The following CIT variants were observed in gnomAD, a reference collection of about 807,000 sequenced individuals.
The protein encoded by CIT is citron rho-interacting serine/threonine kinase.
Under a neutral mutation model 272.7 loss-of-function variants are expected in CIT, and 79 were observed. The ratio of observed to expected loss-of-function variants is 0.29; its 90% CI spans 0.24 to 0.35. The LOEUF (loss-of-function observed/expected upper bound fraction) is 0.35, where lower values mean the gene tolerates loss of function less well. Among genes scored for constraint, CIT ranks in the 10% least tolerant of loss-of-function variants. CIT has a pLI of 1.00. For missense variants in CIT, 1,909 were observed against 2,618.3 expected (o/e 0.73, Z 5.91); for synonymous variants, 948 against 995.6 (o/e 0.95, Z 0.90).
chr12:119,824,397 C>G (rs566258234), intron 8 of CIT, among the ~76,000 whole-genome samples: 1 of 152,236 alleles, frequency 6.6e-6, no homozygotes, highest in African/African-American at 2.4e-5. Context: ...TAAACTATAT[C>G]TCCTCAATTC....
In CIT at chr12:119,825,228, A is replaced by T; in HGVS notation, c.894T>A (p.Tyr298Ter). Reference protein sequence around the residue: ...SVGVIAYEMIYGRSPFAEGTS... With the variant: ...SVGVIAYEMI ...TTCCCTCTGCGAAGGGGGATCTCCC[A>T]TAAATCATCTCATAGGCAATCACGC... The change falls in exon 8 of 48, where the codon TAT becomes TAA. Residue 298 changes from tyrosine (Y) to a stop codon, truncating the protein, a stop_gained. Coordinates refer to ENST00000392521, the MANE Select transcript of CIT (RefSeq NM_001206999.2). LOFTEE classifies it high-confidence loss of function. 1 of 1,614,198 alleles carries T rather than the reference A, an allele frequency of 6.2e-7. No homozygotes were observed. Among genetic ancestry groups the T allele is most frequent in the Non-Finnish European group, 8.5e-7 (1 of 1,180,038 alleles).
At chr12:119,719,182 G>A (rs1414584965) in intron 30 of CIT, among the ~76,000 whole-genome samples, 1 of 152,162 alleles carries the variant, frequency 6.6e-6, no homozygotes, top group Non-Finnish European at 1.5e-5. Flanking sequence ...GGAATCAGGA[G>A]AGTATGGAGT....
intron 9 of CIT, among the ~76,000 whole-genome samples, chr12:119,812,797 G>C (rs1966863421): frequency 1.3e-5 from 2 of 148,824 alleles, no homozygotes; most frequent in Admixed American, 6.8e-5. Flanking sequence ...CCAGGTTGGA[G>C]ACATCGCACC....
At chr12:119,815,340 A>G (rs377308049) in intron 9 of CIT, among the ~76,000 whole-genome samples, 1 of 152,194 alleles carries the variant, frequency 6.6e-6, no homozygotes, top group East Asian at 1.9e-4. Flanking sequence ...TGGTAGGGCC[A>G]TGCTTAAATG....
At chr12:119,852,468 C>T (rs1970286337) in intron 4 of CIT, among the ~76,000 whole-genome samples, 1 of 152,158 alleles carries the variant, frequency 6.6e-6, no homozygotes, top group Admixed American at 6.6e-5. Flanking sequence ...AATCCCAGCA[C>T]TTTGGGAGGC....
intron 10 of CIT, among the ~76,000 whole-genome samples, chr12:119,802,813 C>T (rs1382453286): frequency 6.6e-6 from 1 of 152,192 alleles, no homozygotes; most frequent in African/African-American, 2.4e-5. Context: ...CCCATCCACC[C>T]ACTTGAGAGA....
At chr12:119,817,245 C>T (rs1272438396) in intron 9 of CIT, among the ~76,000 whole-genome samples, 1 of 152,060 alleles carries the variant, frequency 6.6e-6, no homozygotes, top group Non-Finnish European at 1.5e-5. Context: ...GGCACAGTGG[C>T]TCATGCCTGT....
At chr12:119,731,816 AT>A (rs1958465044) in intron 26 of CIT, among the ~76,000 whole-genome samples, 2 of 2,588 alleles carry the variant, frequency 7.7e-4, no homozygotes, top group South Asian at 0.11. Flanking sequence ...TCTCCTAAAT[AT>A]ATATATATAT....
At chr12:119,758,440 G>A (rs992402136) in intron 21 of CIT, 151 bp downstream of exon 21, 1 of 627,030 alleles carries the variant, frequency 1.6e-6, no homozygotes, top group Admixed American at 2.5e-5. Flanking sequence ...ACTTAAGACA[G>A]GGCAAGATGA....
chr12:119,787,762 A>T (rs12301113), intron 10 of CIT, among the ~76,000 whole-genome samples: 26 of 47,062 alleles, frequency 5.5e-4, no homozygotes, highest in Admixed American at 2.0e-3. Context: ...AAATAAATTT[A>T]AAAAAAAAAG....
At chr12:119,795,692 A>G (rs1337495057) in intron 10 of CIT, among the ~76,000 whole-genome samples, 1 of 152,188 alleles carries the variant, frequency 6.6e-6, no homozygotes, top group Non-Finnish European at 1.5e-5. Context: ...TCTAGAGGCA[A>G]CCAGATATTG....
chr12:119,832,879 G>A lies in CIT; in HGVS notation c.660-15C>T. On this transcript the variant is annotated splice_polypyrimidine_tract_variant and intron_variant, in intron 6 of 47. Coordinates refer to ENST00000392521, the MANE Select transcript of CIT (RefSeq NM_001206999.2). ...GCTTGATGTCTCTGTAAGAAAATCA[G>A]GACCATGAATTGCCTCCTCCATCCC... The A allele has an allele frequency of 6.2e-7, 1 of 1,600,294 alleles. No individual in the cohort carries two copies. Among genetic ancestry groups the A allele is most frequent in the Non-Finnish European group, 8.6e-7 (1 of 1,167,590 alleles).
chr12:119,765,662 G>A (rs1847722508), intron 19 of CIT, among the ~76,000 whole-genome samples: 1 of 151,216 alleles, frequency 6.6e-6, no homozygotes, highest in Non-Finnish European at 1.5e-5. Context: ...GTAGAGCCAG[G>A]GGTCTCGTCA....
chr12:119,726,383 TA>T (rs1958105006), intron 28 of CIT, among the ~76,000 whole-genome samples: 1 of 116,440 alleles, frequency 8.6e-6, no homozygotes, highest in Non-Finnish European at 1.8e-5. Flanking sequence ...CACACTTGGC[TA>T]ATTTTTTTTT....
chr12:119,727,855 AG>A (rs894092992), intron 28 of CIT, among the ~76,000 whole-genome samples: 4 of 151,548 alleles, frequency 2.6e-5, no homozygotes, highest in Non-Finnish European at 5.9e-5. Context: ...ACCTGAACCC[AG>A]GAAGTCAAGG....
intron 22 of CIT, among the ~76,000 whole-genome samples, chr12:119,755,587 C>T (rs1340829856): frequency 3.3e-5 from 5 of 152,226 alleles, no homozygotes; most frequent in Admixed American, 2.6e-4. Context: ...CTATCCTGAA[C>T]TCCAGTTGTG....
At chr12:119,790,740 T>C (rs432718) in intron 10 of CIT, among the ~76,000 whole-genome samples, 68,902 of 151,950 alleles carry the variant, frequency 0.45, 16,254 homozygotes, top group Admixed American at 0.6. Context: ...TAATATGTAG[T>C]GGGTAGAGGC....
chr12:119,784,186 T>C lies in CIT; in HGVS notation c.1402-135A>G. 1.2e-6 allele frequency: 2 copies of C among 1,608,760 alleles called. No individual in the cohort carries two copies. The highest frequency in any genetic ancestry group is 1.7e-6 in the Non-Finnish European group (2 of 1,176,938). ...GCCAAAAGTTAAGTTGGGATGGAAA[T>C]ACCATTGTTTCTTCGCCCAGGAGCG... On this transcript the variant is annotated intron_variant, in intron 11 of 47. Transcript: ENST00000392521. This position sits in a 1 kb window ranked among gnomAD's most constrained non-coding sequence, Gnocchi z 4.7.
chr12:119,780,312 A>G (rs1342583708), intron 13 of CIT, among the ~76,000 whole-genome samples: 1 of 152,258 alleles, frequency 6.6e-6, no homozygotes, highest in Non-Finnish European at 1.5e-5. Flanking sequence ...TGGAAGTAAA[A>G]TATTTTTTAA....
Sources: gnomAD v4.1 joint callset for allele counts (sites outside exome capture counted in the v4.1 genomes callset) on GRCh38, gnomAD v4.1.1 for gene constraint, Gnocchi (gnomAD v3.1) non-coding constraint, MANE v1.5 for transcripts, NCBI Gene and HGNC (gene_info 2026-07-23, HGNC 2026-07-21) for gene names.